EPG5: variants seen among roughly 807,000 people sequenced by gnomAD.
The protein encoded by EPG5 is ectopic P granules protein 5 homolog.
In EPG5, 159 loss-of-function variants were observed where a neutral mutation model predicts 302.7. The ratio of observed to expected loss-of-function variants is 0.53; its 90% CI spans 0.46 to 0.60. The LOEUF is 0.60. Among genes scored for constraint, EPG5 ranks in the 20% least tolerant of loss-of-function variants. EPG5 has a pLI of 0.00. For synonymous variants in EPG5, 1,158 were observed against 1,136.8 expected (o/e 1.02, Z -0.37); for missense variants, 2,896 against 3,092.4 (o/e 0.94, Z 1.51).
chr18:45,846,690 G>A (rs2048367420), downstream of EPG5, among the ~76,000 whole-genome samples: 1 of 152,098 alleles, frequency 6.6e-6, no homozygotes, highest in South Asian at 2.1e-4. Context: ...CTTGGACCTC[G>A]AGCAAGAAAG....
rs2050982584 is a variant in EPG5, at chr18:45,954,567, A to G, written c.835T>C (p.Phe279Leu). ...LENVESYLEE[F>L]DSMAHQDRHE... ...CTGTCTTGATGAGCCATGCTGTCAA[A>G]TTCTTCTAAATATGACTCAACATTT... Residue 279 changes from phenylalanine to leucine, a missense_variant, in exon 2 of 44, where the codon TTT becomes CTT. Transcript: ENST00000282041. The G allele has an allele frequency of 1.2e-6, 2 of 1,614,124 alleles. No individual in the cohort carries two copies. The highest frequency in any genetic ancestry group is 2.7e-5 in the African/African-American group (2 of 74,946).
Position 45,956,978 on chromosome 18 carries a change from G to A in EPG5, c.64-1640C>T, listed in dbSNP as rs575372654. Among the ~76,000 whole-genome samples, 5 of 151,154 alleles carry A rather than the reference G, an allele frequency of 3.3e-5. No individual in the cohort carries two copies. The East Asian group carries it at 7.8e-4, about 23-fold the overall frequency. On this transcript the variant is annotated intron_variant, in intron 1 of 43. Transcript: ENST00000282041. ...ATAACAGGAAGTTAGGCTGAATAAA[G>A]AAGAAAAAATTATTTAAATAACATT...
Position 45,884,860 on chromosome 18 carries a change from C to A in EPG5, c.5110-49G>T, listed in dbSNP as rs185747185. ...TGTCACCAGATTCTTCCCTCACAAC[C>A]TTTATTTAAGCAAGCAAATTTTTAA... On this transcript the variant is annotated intron_variant, in intron 29 of 43. Coordinates refer to ENST00000282041, the MANE Select transcript of EPG5 (RefSeq NM_020964.3). 3.6e-6 allele frequency: 5 copies of A among 1,385,784 alleles called. No homozygotes were observed. The East Asian group carries it at 1.4e-4, about 39-fold the overall frequency. The allele number at this position is 1,385,784 out of a possible 1,614,324, so 85.8% of individuals were successfully genotyped here.
rs1007807927 is a variant in EPG5 at position 45,943,749 on chromosome 18, G to A, written c.1792+256C>T. Among the ~76,000 whole-genome samples the A allele has an allele frequency of 7.2e-5, 11 of 152,016 alleles. No individual in the cohort carries two copies. In the East Asian group the frequency reaches 9.7e-4, roughly 13 times the overall value. ...ATCCTGGCTAACACGGTGAAACCCCGTCTCTACTAAAAATACAAAAAATTA... is the reference window on the plus strand; with the variant it reads ...ATCCTGGCTAACACGGTGAAACCCCATCTCTACTAAAAATACAAAAAATTA... On this transcript the variant is annotated intron_variant, in intron 8 of 43. Coordinates refer to ENST00000282041, the MANE Select transcript of EPG5 (RefSeq NM_020964.3).
intron 33 of EPG5, 124 bp downstream of exon 33, chr18:45,878,889 C>T: frequency 1.4e-6 from 1 of 731,358 alleles, no homozygotes; most frequent in East Asian, 2.5e-5. Flanking sequence ...GGGCTCATGC[C>T]TGTTCTATAT....
At position 45,848,727 on chromosome 18, in the gene EPG5, T is replaced by C. The variant is rs1285889832; in HGVS notation, c.*3740A>G. ...CCCCTTTTAGGATAACACGGACTAATTTGGACACTTTCCCCAAACCGTAGC... is the reference window on the plus strand; with the variant it reads ...CCCCTTTTAGGATAACACGGACTAACTTGGACACTTTCCCCAAACCGTAGC... On this transcript the variant is annotated 3_prime_UTR_variant, in exon 44 of 44. Coordinates refer to ENST00000282041, the MANE Select transcript of EPG5 (RefSeq NM_020964.3). The C allele has an allele frequency of 6.6e-6, 1 of 152,232 alleles. No homozygotes were observed. Among genetic ancestry groups the C allele is most frequent in the Non-Finnish European group, 1.5e-5 (1 of 68,060 alleles). 9.4% of individuals were successfully genotyped at this position (152,232 alleles called of 1,614,324 possible). A position where few individuals can be genotyped will look rare whatever the true frequency, so the allele number is the denominator to read the frequency against.
chr18:45,916,015 T>C lies in EPG5; in HGVS notation c.3576A>G (p.Gln1192=), dbSNP rs200785029. The C allele has an allele frequency of 3.2e-5, 51 of 1,610,446 alleles. No homozygotes were observed. The highest frequency in any genetic ancestry group is 4.0e-5 in the Non-Finnish European group (47 of 1,178,924). ...EDCIQKLLYQ[Q]HKNALGYHCD... ...TCTCTAACAGGTTAATTACCTTATG[T>C]TGTTGGTAGAGTAATTTCTGTATGC... Residue 1192 remains glutamine, a synonymous_variant, in exon 19 of 44, where the codon CAA becomes CAG. Transcript: ENST00000282041.
rs1204075290 is a variant in EPG5, at chr18:45,946,756, C to T, written c.1584G>A (p.Glu528=). ...CGCTGGGCTTCATGTGGCACATAAA[C>T]TCAGCTCGATTTCTAAAGGACAAGA... ...LLMSPVKNRA[E]FMCHMKPSER... Residue 528 remains glutamate, a synonymous_variant, in exon 7 of 44, where the codon GAG becomes GAA. Transcript: ENST00000282041. 2 of 1,614,158 alleles carry T rather than the reference C, an allele frequency of 1.2e-6. No individual in the cohort carries two copies. Among genetic ancestry groups the T allele is most frequent in the East Asian group, 2.2e-5 (1 of 44,888 alleles).
At chr18:45,906,024 A>G (rs1035133988) in intron 24 of EPG5, among the ~76,000 whole-genome samples, 9 of 152,146 alleles carry the variant, frequency 5.9e-5, no homozygotes, top group Non-Finnish European at 8.8e-5. Flanking sequence ...TCAATGTTCC[A>G]TCTTCAGTCC....
At chr18:45,966,229 G>A (rs1373503069) in intron 1 of EPG5, among the ~76,000 whole-genome samples, 3 of 151,414 alleles carry the variant, frequency 2.0e-5, no homozygotes, top group East Asian at 3.9e-4. Context: ...AAAATTAGCC[G>A]GGCGTGGTGG....
chr18:45,929,079 A>AT (rs998698235), intron 12 of EPG5, 70 bp from the exon 13 acceptor site: 66 of 1,455,870 alleles, frequency 4.5e-5, no homozygotes, highest in Non-Finnish European at 6.1e-5. Flanking sequence ...CACTTATATC[A>AT]TTTTTTCAAG....
chr18:45,951,317 T>C, intron 3 of EPG5, 79 bp from the exon 4 acceptor site: 2 of 1,071,360 alleles, frequency 1.9e-6, no homozygotes, highest in East Asian at 2.9e-5. Context: ...CTTAAACCAA[T>C]AACAACAAAA....
chr18:45,940,779 T>A, intron 9 of EPG5, among the ~76,000 whole-genome samples: 1 of 152,122 alleles, frequency 6.6e-6, no homozygotes, highest in South Asian at 2.1e-4. Context: ...ATGATAAAAT[T>A]TGCAGTTAGA....
intron 8 of EPG5, 85 bp downstream of exon 8, chr18:45,943,920 C>CAAA: frequency 1.0e-5 from 7 of 699,728 alleles, no homozygotes; most frequent in Admixed American, 2.5e-5. Context: ...GACTCCATCT[C>CAAA]AAAAAAAAAA....
downstream of EPG5, among the ~76,000 whole-genome samples, chr18:45,847,258 T>C (rs1293629024): frequency 6.6e-6 from 1 of 152,148 alleles, no homozygotes; most frequent in Admixed American, 6.5e-5. Flanking sequence ...TGAAGGTGGA[T>C]TTCCCCAGCA....
the EPG5 span, among the ~76,000 whole-genome samples, chr18:45,819,935 T>C: frequency 6.6e-6 from 1 of 152,176 alleles, no homozygotes; most frequent in Non-Finnish European, 1.5e-5. Flanking sequence ...CCGTCTTTCT[T>C]GTAGCAATAC....
chr18:45,805,485 G>A, the EPG5 span, among the ~76,000 whole-genome samples: 10 of 144,796 alleles, frequency 6.9e-5, no homozygotes, highest in Non-Finnish European at 1.5e-4. Flanking sequence ...GGGCAAAAAA[G>A]AAAACAAATA....
At chr18:45,839,238 C>A in the EPG5 span, 1 of 1,179,568 alleles carries the variant, frequency 8.5e-7, no homozygotes, top group Non-Finnish European at 1.1e-6. Context: ...CCTCTCTTTG[C>A]ATGAAGCCCA....
At chr18:45,929,372 G>A (rs2050349375) in intron 12 of EPG5, among the ~76,000 whole-genome samples, 1 of 152,168 alleles carries the variant, frequency 6.6e-6, no homozygotes. Flanking sequence ...GAAATGCCTA[G>A]CTTCCCCTAC....
Sources: gnomAD v4.1 joint callset for allele counts (sites outside exome capture counted in the v4.1 genomes callset) on GRCh38, gnomAD v4.1.1 for gene constraint, MANE v1.5 for transcripts, NCBI Gene and HGNC (gene_info 2026-07-23, HGNC 2026-07-21) for gene names.